PISD: variants seen among roughly 807,000 people sequenced by gnomAD.
The protein encoded by PISD is phosphatidylserine decarboxylase proenzyme, mitochondrial.
A neutral mutation model predicts 43.5 loss-of-function variants in PISD; 31 were observed. The observed-to-expected ratio is 0.71, with a 90% CI of 0.54 to 0.96. The LOEUF (loss-of-function observed/expected upper bound fraction) is 0.96. Ranked by LOEUF, PISD falls within the 40% of genes least tolerant of loss-of-function variation. PISD has a pLI of 0.00. For synonymous variants in PISD, 259 were observed against 228.7 expected (o/e 1.13, Z -1.20); for missense variants, 523 against 548.4 (o/e 0.95, Z 0.46).
At chr22:31,652,942 AG>A (rs2074068717) in intron 1 of PISD, among the ~76,000 whole-genome samples, 3 of 150,672 alleles carry the variant, frequency 2.0e-5, no homozygotes, top group Admixed American at 1.3e-4. Flanking sequence ...AAAAAGTTGA[AG>A]TGGGAGGATC....
rs1434321211 is a variant in PISD, at chr22:31,619,534, C to A, written c.*78G>T. 2.4e-6 allele frequency: 3 copies of A among 1,226,668 alleles called. No individual in the cohort carries two copies. The African/African-American group carries it at 4.5e-5, about 18-fold the overall frequency. 76.0% of individuals were successfully genotyped at this position (1,226,668 alleles called of 1,614,324 possible). A position where few individuals can be genotyped will look rare whatever the true frequency, so the allele number is the denominator to read the frequency against. On this transcript the variant is annotated 3_prime_UTR_variant, in exon 8 of 8. Coordinates refer to ENST00000439502, the MANE Select transcript of PISD (RefSeq NM_001326411.2). Reference sequence around the variant, plus strand: ...TGAGGCAGGCCCTTACCTGGATGGCCTCATGGGCCTCCCTCTTGAAAAGAC... The same window carrying A: ...TGAGGCAGGCCCTTACCTGGATGGCATCATGGGCCTCCCTCTTGAAAAGAC...
intron 3 of PISD, among the ~76,000 whole-genome samples, chr22:31,639,180 CTTT>C (rs60020183): frequency 3.0e-5 from 4 of 133,464 alleles, no homozygotes; most frequent in Admixed American, 7.6e-5. Flanking sequence ...TTTCCTTTTT[CTTT>C]TTTTTTTTTT....
intron 1 of PISD, among the ~76,000 whole-genome samples, chr22:31,658,843 TTTTTTC>T (rs1261228927): frequency 6.7e-6 from 1 of 149,214 alleles, no homozygotes; most frequent in South Asian, 2.1e-4. Context: ...AGTTGCACTA[TTTTTTC>T]TTTTTCTTTT....
chr22:31,648,362 GAA>G (rs1222063053), intron 2 of PISD, 86 bp from the exon 3 acceptor site: 2 of 1,227,426 alleles, frequency 1.6e-6, no homozygotes, highest in East Asian at 5.1e-5. Flanking sequence ...GGAGGGTCAG[GAA>G]AAGTCAGCGC....
intron 2 of PISD, among the ~76,000 whole-genome samples, chr22:31,649,365 G>A (rs901339076): frequency 6.6e-6 from 1 of 152,214 alleles, no homozygotes; most frequent in African/African-American, 2.4e-5. Context: ...TTATGTTGAA[G>A]TTCTAACCCT....
At chr22:31,619,924 G>A (rs1428361190) in intron 7 of PISD, 88 bp from the exon 8 acceptor site, 2 of 864,010 alleles carry the variant, frequency 2.3e-6, no homozygotes, top group Non-Finnish European at 3.6e-6. Flanking sequence ...CACTCCCTCT[G>A]TTGCTTGTCC....
intron 5 of PISD, 95 bp from the exon 6 acceptor site, chr22:31,621,237 C>G (rs2147619832): frequency 6.2e-7 from 1 of 1,609,126 alleles, no homozygotes; most frequent in East Asian, 2.2e-5. Context: ...AGGGAGGCCC[C>G]ACATGCCAGC....
chr22:31,641,006 G>T (rs2073706528), intron 3 of PISD, among the ~76,000 whole-genome samples: 1 of 147,750 alleles, frequency 6.8e-6, no homozygotes. Context: ...TCCTGCCTCA[G>T]CCTCCCAAGT....
At chr22:31,624,712 GACACACACACACACACACACAC>G (rs55946723) in intron 3 of PISD, among the ~76,000 whole-genome samples, 27 of 111,990 alleles carry the variant, frequency 2.4e-4, no homozygotes, top group South Asian at 1.5e-3. Context: ...AGCAAAGGTG[GACACACACACACACACACACAC>G]ACACACACAC....
At chr22:31,662,311 G>A (rs1190959713), upstream of PISD, 5 of 1,225,208 alleles carry the variant, frequency 4.1e-6, no homozygotes, top group East Asian at 2.3e-5. Context: ...AAAAGCGCGG[G>A]TTGGGGGCGG....
rs372114692 is a variant in PISD at position 31,621,141 on chromosome 22, G to T, written c.699C>A (p.Ala233=). 2 of 1,614,132 alleles carry T rather than the reference G, an allele frequency of 1.2e-6. No homozygotes were observed. Among genetic ancestry groups the T allele is most frequent in the Admixed American group, 3.3e-5 (2 of 60,016 alleles). ...GGTTCTTGAAGGAGTCACACGACGCGGCTGTGGAGTAGGAGCAGACGTGGG... is the reference window on the plus strand; with the variant it reads ...GGTTCTTGAAGGAGTCACACGACGCTGCTGTGGAGTAGGAGCAGACGTGGG... The part of the protein sequence containing the change: ...MCTEDLPFPP[A]ASCDSFKNQL... The change falls in exon 6 of 8, where the codon GCC becomes GCA. Residue 233 remains alanine, a splice_region_variant and synonymous_variant. Transcript: ENST00000439502.
chr22:31,647,289 G>T lies in PISD; in HGVS notation c.321+812C>A, dbSNP rs78531612. Reference sequence around the variant, plus strand: ...TCCCAGTTCACACAGCTACTGCGGAGCATGGTTGAGACTTGCCTTCAGCAT... The same window carrying T: ...TCCCAGTTCACACAGCTACTGCGGATCATGGTTGAGACTTGCCTTCAGCAT... On this transcript the variant is annotated intron_variant, in intron 3 of 7. Coordinates refer to ENST00000439502, the MANE Select transcript of PISD (RefSeq NM_001326411.2). 3.2e-3 allele frequency among the ~76,000 whole-genome samples: 492 copies of T among 152,264 alleles called. 2 individuals carry two copies. Among genetic ancestry groups the T allele is most frequent in the African/African-American group, 0.012 (478 of 41,558 alleles).
chr22:31,633,687 C>T lies in PISD; in HGVS notation c.322-11802G>A, dbSNP rs774607464. Among the ~76,000 whole-genome samples, 27 of 152,236 alleles carry T rather than the reference C, an allele frequency of 1.8e-4. 1 individual carries two copies. The highest frequency in any genetic ancestry group is 1.6e-3 in the Admixed American group (25 of 15,288). ...CCGAGATCGTACCATAGCACTCCAG[C>T]CTGGGCGACAGAGCGAGACTCGTCT... is the stretch of plus-strand genomic sequence containing the variant. On this transcript the variant is annotated intron_variant, in intron 3 of 7. Coordinates refer to ENST00000439502, the MANE Select transcript of PISD (RefSeq NM_001326411.2).
upstream of PISD, chr22:31,662,364 G>T (rs879026368): frequency 1.9e-4 from 135 of 695,024 alleles, no homozygotes; most frequent in Middle Eastern, 1.1e-3. Context: ...CACCTAACCC[G>T]CTTGGCACCT....
At chr22:31,624,632 C>T (rs1008865087) in intron 3 of PISD, among the ~76,000 whole-genome samples, 1 of 150,260 alleles carries the variant, frequency 6.7e-6, no homozygotes, top group Admixed American at 6.7e-5. Context: ...CACCTGTCTG[C>T]TCTGCTGGGG....
chr22:31,619,313 C>CTCT lies in PISD; in HGVS notation c.*296_*298dup, dbSNP rs777285508. 73 of 392,324 alleles carry CTCT rather than the reference C, an allele frequency of 1.9e-4. 1 individual carries two copies. The highest frequency in any genetic ancestry group is 3.0e-4 in the Non-Finnish European group (61 of 206,288). The allele number at this position is 392,324 out of a possible 1,614,324, so 24.3% of individuals were successfully genotyped here. On this transcript the variant is annotated 3_prime_UTR_variant, in exon 8 of 8. Transcript: ENST00000439502. ...CTGAAGGTTCGGTCAGGAATGCAGG[C>CTCT]TCTTCCGTCTATACAGTGTTTAAAA...
intron 3 of PISD, chr22:31,626,132 G>C: frequency 4.1e-6 from 4 of 981,048 alleles, no homozygotes; most frequent in Non-Finnish European, 5.5e-6. Flanking sequence ...CTGGCCACCT[G>C]CTCTGTCCCT....
intron 1 of PISD, among the ~76,000 whole-genome samples, chr22:31,656,146 C>T (rs1206691588): frequency 6.6e-6 from 1 of 151,910 alleles, no homozygotes; most frequent in Non-Finnish European, 1.5e-5. Context: ...ATACAAAAAA[C>T]TAGCCAGCCA....
At chr22:31,624,232 G>C (rs778439439) in intron 3 of PISD, among the ~76,000 whole-genome samples, 4 of 152,192 alleles carry the variant, frequency 2.6e-5, no homozygotes, top group Non-Finnish European at 4.4e-5. Flanking sequence ...GGGAGAGCAG[G>C]GTGTAGGGCC....
Sources: allele counts gnomAD v4.1 joint callset (sites outside exome capture counted in the v4.1 genomes callset), GRCh38; gene constraint gnomAD v4.1.1; transcripts MANE v1.5; gene names NCBI Gene and HGNC (gene_info 2026-07-23, HGNC 2026-07-21).